The following UBXN7 variants were observed in gnomAD, a reference collection of about 807,000 sequenced individuals.
UBXN7 encodes UBX domain-containing protein 7.
UBXN7 carries 9 observed loss-of-function variants against 58.0 expected under a neutral mutation model. That is an observed-to-expected ratio of 0.16 (90% CI 0.09 to 0.27). UBXN7 has a LOEUF of 0.27. UBXN7 is among the 10% of genes least tolerant of loss of function. The pLI, the probability that UBXN7 is intolerant of heterozygous loss-of-function variation, is 1.00. For synonymous variants in UBXN7, 208 were observed against 205.0 expected (o/e 1.01, Z -0.12); for missense variants, 328 against 599.6 (o/e 0.55, Z 4.73).
rs756390989 is a variant in UBXN7 at position 196,362,612 on chromosome 3, C to A, written c.910G>T (p.Asp304Tyr). The A allele has an allele frequency of 5.0e-6, 8 of 1,614,142 alleles. No individual in the cohort carries two copies. The highest frequency in any genetic ancestry group is 6.8e-6 in the Non-Finnish European group (8 of 1,180,020). Residue 304 changes from aspartate (D) to tyrosine (Y), a missense_variant, in exon 9 of 11, where the codon GAT becomes TAT. Physicochemically the swap from Asp to Tyr is radical, Grantham distance 160 (BLOSUM62 -3). Around this residue, in one of 4 missense-constraint regions of UBXN7, gnomAD observed 126 missense variants for 302.6 expected, o/e 0.42. Transcript: ENST00000296328. ...CTATCCTGTTTTGTCTGTGTTGAAT[C>A]AAAATGTGTTTCTTGTAAGGAGGCT... Reference protein sequence around the residue: ...IRASLQETHFDSTQTKQDSRS... With the variant: ...IRASLQETHFYSTQTKQDSRS...
At chr3:196,420,175 G>A (rs538297287) in intron 1 of UBXN7, among the ~76,000 whole-genome samples, 2 of 151,588 alleles carry the variant, frequency 1.3e-5, no homozygotes, top group South Asian at 2.1e-4. Flanking sequence ...TTTTTTTTAA[G>A]GGGGGGCTAA....
chr3:196,389,684 T>G (rs757464278), intron 5 of UBXN7, among the ~76,000 whole-genome samples: 36 of 152,328 alleles, frequency 2.4e-4, no homozygotes, highest in South Asian at 1.2e-3. Flanking sequence ...CAGAAGCAGA[T>G]GTCAGCACAA....
chr3:196,415,948 T>A (rs1207314946), intron 1 of UBXN7, among the ~76,000 whole-genome samples: 1 of 152,204 alleles, frequency 6.6e-6, no homozygotes, highest in African/African-American at 2.4e-5. Context: ...AGCTTCTCAA[T>A]GTATGGACCA....
intron 5 of UBXN7, among the ~76,000 whole-genome samples, chr3:196,382,168 A>C (rs1325492323): frequency 2.6e-5 from 4 of 152,206 alleles, no homozygotes; most frequent in Non-Finnish European, 5.9e-5. Flanking sequence ...CAAGAAAAGC[A>C]ACCCCAAGAC....
intron 5 of UBXN7, among the ~76,000 whole-genome samples, chr3:196,382,288 T>C (rs1466473202): frequency 6.6e-6 from 1 of 152,182 alleles, no homozygotes; most frequent in Non-Finnish European, 1.5e-5. Flanking sequence ...TAACAGCAGA[T>C]ATCTCTGCAG....
chr3:196,431,634 G>A, intron 1 of UBXN7: 1 of 182,232 alleles, frequency 5.5e-6, no homozygotes, highest in South Asian at 6.9e-5. Context: ...GGTGGGAAAC[G>A]CCACCCTGGA....
intron 1 of UBXN7, among the ~76,000 whole-genome samples, chr3:196,420,717 T>C (rs901196934): frequency 7.9e-5 from 12 of 152,056 alleles, no homozygotes; most frequent in Admixed American, 3.3e-4. Context: ...TCCATCTGTT[T>C]TACACTTGCT....
At chr3:196,357,086 A>G (rs1308108978) in intron 10 of UBXN7, among the ~76,000 whole-genome samples, 1 of 152,242 alleles carries the variant, frequency 6.6e-6, no homozygotes, top group African/African-American at 2.4e-5. Flanking sequence ...CACAGTTATT[A>G]TTTGGCTCCC....
chr3:196,397,407 G>T (rs3973), intron 3 of UBXN7: 1 of 152,048 alleles, frequency 6.6e-6, no homozygotes, highest in Admixed American at 6.6e-5. Context: ...CATTCCTTTA[G>T]ATCTGCTGCT....
intron 3 of UBXN7, among the ~76,000 whole-genome samples, chr3:196,401,624 G>A (rs1484286141): frequency 1.3e-5 from 2 of 150,434 alleles, no homozygotes; most frequent in African/African-American, 4.9e-5. Flanking sequence ...GGTGGAGGGC[G>A]AGGATTGAAA....
chr3:196,401,248 C>CAAAAAAAAAA (rs35766312), intron 3 of UBXN7, among the ~76,000 whole-genome samples: 2 of 2,274 alleles, frequency 8.8e-4, no homozygotes, highest in African/African-American at 1.5e-3. Context: ...CCCGTCTCTC[C>CAAAAAAAAAA]AAAAAAAAAA....
chr3:196,376,564 A>AAAG (rs1553850443), intron 5 of UBXN7, among the ~76,000 whole-genome samples: 3 of 147,924 alleles, frequency 2.0e-5, no homozygotes, highest in Non-Finnish European at 4.5e-5. Flanking sequence ...AAAAAAAAAA[A>AAAG]AAAAGAAAAG....
chr3:196,377,025 G>T (rs1460436930), intron 5 of UBXN7, among the ~76,000 whole-genome samples: 1 of 146,776 alleles, frequency 6.8e-6, no homozygotes, highest in African/African-American at 2.5e-5. Context: ...CAGCCTGGGT[G>T]ACAGAGTGAG....
chr3:196,428,718 C>A (rs1349022094), intron 1 of UBXN7, among the ~76,000 whole-genome samples: 7 of 151,402 alleles, frequency 4.6e-5, no homozygotes, highest in African/African-American at 1.7e-4. Flanking sequence ...CAAAGTGAGA[C>A]CCCATCTCCA....
intron 5 of UBXN7, among the ~76,000 whole-genome samples, chr3:196,375,956 G>A (rs1729005603): frequency 6.6e-6 from 1 of 152,192 alleles, no homozygotes. Flanking sequence ...TTGAATCTGG[G>A]AGGCAGAGGT....
intron 1 of UBXN7, among the ~76,000 whole-genome samples, chr3:196,408,332 G>A (rs568716359): frequency 1.3e-4 from 20 of 152,220 alleles, no homozygotes; most frequent in Admixed American, 3.3e-4. Context: ...TTTACAACAT[G>A]TATTCCAGAA....
intron 8 of UBXN7, among the ~76,000 whole-genome samples, chr3:196,366,311 G>A (rs1278158964): frequency 6.6e-6 from 1 of 152,066 alleles, no homozygotes; most frequent in Non-Finnish European, 1.5e-5. Flanking sequence ...GAGCTTAGGA[G>A]TTTGAGATCA....
intron 9 of UBXN7, 90 bp downstream of exon 9, chr3:196,362,204 G>A: frequency 1.2e-5 from 18 of 1,471,396 alleles, no homozygotes; most frequent in Non-Finnish European, 1.6e-5. Flanking sequence ...ATGTTGGCGA[G>A]GCTGGTCTTG....
intron 3 of UBXN7, chr3:196,397,852 G>A (rs559153487): frequency 6.6e-6 from 1 of 152,280 alleles, no homozygotes; most frequent in South Asian, 2.1e-4. Flanking sequence ...TTAACCAATG[G>A]TAGTTTCTTA....
Sources: allele counts gnomAD v4.1 joint callset (sites outside exome capture counted in the v4.1 genomes callset), GRCh38; gene constraint gnomAD v4.1.1; regional missense constraint gnomAD v4.1.1; transcripts MANE v1.5; gene names NCBI Gene and HGNC (gene_info 2026-07-23, HGNC 2026-07-21).